Variants in COL21A1 observed in about 807,000 individuals in gnomAD.
The protein encoded by COL21A1 is collagen type XXI alpha 1 chain.
A neutral mutation model predicts 137.9 loss-of-function variants in COL21A1; 149 were observed. The ratio of observed to expected loss-of-function variants is 1.08; its 90% CI spans 0.95 to 1.24. The LOEUF (loss-of-function observed/expected upper bound fraction) is 1.24. COL21A1 is among the 50% of genes most tolerant of loss of function. The pLI is 0.00. For synonymous variants in COL21A1, 456 were observed against 391.5 expected (o/e 1.16, Z -1.95); for missense variants, 1,167 against 1,158.4 (o/e 1.01, Z -0.11).
intron 1 of COL21A1, among the ~76,000 whole-genome samples, chr6:56,213,269 A>G (rs1780289809): frequency 6.6e-6 from 1 of 152,168 alleles, no homozygotes; most frequent in Non-Finnish European, 1.5e-5. Flanking sequence ...ATTGATTAGT[A>G]TATGGTATAG....
At chr6:56,363,748 C>G (rs1464665416) in intron 1 of COL21A1, among the ~76,000 whole-genome samples, 2 of 150,446 alleles carry the variant, frequency 1.3e-5, no homozygotes, top group Non-Finnish European at 3.0e-5. Flanking sequence ...CTGCTCTCTG[C>G]CTGATAAAAT....
chr6:56,088,780 C>A (rs1178266293), intron 17 of COL21A1, among the ~76,000 whole-genome samples: 3 of 152,062 alleles, frequency 2.0e-5, no homozygotes, highest in African/African-American at 7.2e-5. Flanking sequence ...ACGCAAAAAA[C>A]CACAAGAGAT....
chr6:56,098,819 G>A (rs1210649873), intron 17 of COL21A1, among the ~76,000 whole-genome samples: 2 of 144,652 alleles, frequency 1.4e-5, no homozygotes, highest in East Asian at 2.0e-4. Flanking sequence ...AGGTTCAAGC[G>A]ATTCTCCTGC....
chr6:56,380,049 T>C (rs991150631), intron 1 of COL21A1, among the ~76,000 whole-genome samples: 2 of 152,150 alleles, frequency 1.3e-5, no homozygotes, highest in African/African-American at 4.8e-5. Context: ...TAGTAGAAGA[T>C]GTTTGGATCC....
intron 16 of COL21A1, among the ~76,000 whole-genome samples, chr6:56,113,389 C>T (rs1478107935): frequency 1.3e-5 from 2 of 152,152 alleles, no homozygotes; most frequent in Non-Finnish European, 2.9e-5. Context: ...GGGTACTGGC[C>T]AGAGTCAAGA....
intron 10 of COL21A1, among the ~76,000 whole-genome samples, chr6:56,143,354 C>T (rs1237390438): frequency 1.3e-5 from 2 of 152,010 alleles, no homozygotes; most frequent in African/African-American, 2.4e-5. Flanking sequence ...GCGTCCACCA[C>T]CACACCCAGC....
chr6:56,287,197 T>C (rs1458694579), intron 1 of COL21A1, among the ~76,000 whole-genome samples: 1 of 152,202 alleles, frequency 6.6e-6, no homozygotes, highest in Admixed American at 6.5e-5. Context: ...CTTGACATAT[T>C]TGAAGCAGGA....
chr6:56,264,463 A>G (rs1041627495), intron 1 of COL21A1, among the ~76,000 whole-genome samples: 10 of 152,102 alleles, frequency 6.6e-5, no homozygotes, highest in African/African-American at 2.2e-4. Context: ...CCCAACAATT[A>G]AATGTCAGAA....
chr6:56,139,566 C>T (rs933472311), intron 12 of COL21A1, among the ~76,000 whole-genome samples: 6 of 152,056 alleles, frequency 3.9e-5, no homozygotes, highest in Admixed American at 3.9e-4. Flanking sequence ...AGACTCTCTC[C>T]CTGTTTTGGT....
Position 56,110,844 on chromosome 6 carries a change from A to G in COL21A1, c.1759-9319T>C, listed in dbSNP as rs151254347. 3.7e-3 allele frequency among the ~76,000 whole-genome samples: 569 copies of G among 152,222 alleles called. 2 individuals carry two copies. Among genetic ancestry groups the G allele is most frequent in the African/African-American group, 0.013 (544 of 41,578 alleles). ...AGAAAACTCACATAAGTGAAACAAT[A>G]TACCATGTTCATGGATTGAAAAATT... On this transcript the variant is annotated intron_variant, in intron 16 of 29. Transcript: ENST00000244728.
chr6:56,377,285 G>A (rs369383651), intron 1 of COL21A1, among the ~76,000 whole-genome samples: 3 of 152,022 alleles, frequency 2.0e-5, no homozygotes, highest in East Asian at 1.9e-4. Flanking sequence ...CACCGCGCCC[G>A]GCCCGGAAAA....
In COL21A1 at chr6:56,268,371, G is replaced by T. The variant is rs186103472; in HGVS notation, c.-38-85715C>A. On this transcript the variant is annotated intron_variant, in intron 1 of 28. Coordinates refer to the COL21A1 transcript ENST00000370819. The stretch of plus-strand genomic sequence containing the variant: ...TTTCCCAAGACCCAGGAACAGACCT[G>T]ATGAGGGAATCATGTCTCTCAAACC... Among the ~76,000 whole-genome samples, 16 of 152,292 alleles carry T rather than the reference G, an allele frequency of 1.1e-4. No homozygotes were observed. The East Asian group carries it at 2.9e-3, about 28-fold the overall frequency.
chr6:56,185,115 A>T (rs564529079), intron 1 of COL21A1, among the ~76,000 whole-genome samples: 2 of 151,978 alleles, frequency 1.3e-5, no homozygotes, highest in Non-Finnish European at 2.9e-5. Flanking sequence ...AGCATATATT[A>T]AAAAAAAGAA....
At chr6:56,340,556 G>A (rs987320516) in intron 1 of COL21A1, among the ~76,000 whole-genome samples, 5 of 152,024 alleles carry the variant, frequency 3.3e-5, no homozygotes, top group African/African-American at 1.2e-4. Context: ...AAGGACTAGT[G>A]GAATATTTCA....
intron 1 of COL21A1, among the ~76,000 whole-genome samples, chr6:56,196,120 C>T (rs1183290066): frequency 3.3e-5 from 5 of 152,124 alleles, no homozygotes; most frequent in Middle Eastern, 3.4e-3. Flanking sequence ...TAAAATTATA[C>T]GATCATCTAA....
chr6:56,290,177 A>G (rs1185051896), intron 1 of COL21A1, among the ~76,000 whole-genome samples: 1 of 152,204 alleles, frequency 6.6e-6, no homozygotes, highest in East Asian at 1.9e-4. Context: ...TAAATGAATT[A>G]GCAAACAGAT....
intron 8 of COL21A1, 51 bp from the exon 9 acceptor site, chr6:56,164,557 T>A: frequency 7.9e-7 from 1 of 1,269,636 alleles, no homozygotes; most frequent in Admixed American, 2.0e-5. Flanking sequence ...GACATATAAG[T>A]ACATGCACAC....
At chr6:56,287,670 T>C (rs1763948167) in intron 1 of COL21A1, among the ~76,000 whole-genome samples, 1 of 152,094 alleles carries the variant, frequency 6.6e-6, no homozygotes, top group South Asian at 2.1e-4. Context: ...ACCTCTTTTA[T>C]TCATAAGTTA....
chr6:56,114,737 A>G (rs1181613410), intron 16 of COL21A1, among the ~76,000 whole-genome samples: 1 of 149,078 alleles, frequency 6.7e-6, no homozygotes. Flanking sequence ...ACTGTAAACT[A>G]GTTCAACCAT....
Sources: allele counts gnomAD v4.1 joint callset (sites outside exome capture counted in the v4.1 genomes callset), GRCh38; gene constraint gnomAD v4.1.1; transcripts MANE v1.5; gene names NCBI Gene and HGNC (gene_info 2026-07-23, HGNC 2026-07-21).